ZBTB7C: variants seen among roughly 807,000 people sequenced by gnomAD.
ZBTB7C encodes zinc finger and BTB domain containing 7C.
Under a neutral mutation model 25.7 loss-of-function variants are expected in ZBTB7C, and 8 were observed. The ratio of observed to expected loss-of-function variants is 0.31; its 90% CI spans 0.18 to 0.56. The LOEUF (loss-of-function observed/expected upper bound fraction) is 0.56, where lower values mean the gene tolerates loss of function less well. Among genes scored for constraint, ZBTB7C ranks in the 20% least tolerant of loss-of-function variants. ZBTB7C has a pLI of 0.91. For missense variants in ZBTB7C, 824 were observed against 855.2 expected, an observed-to-expected ratio of 0.96 and a Z score of 0.46; for synonymous variants, 394 against 369.0, an observed-to-expected ratio of 1.07 and a Z score of -0.78.
At chr18:48,152,396 A>G (rs1374712243) in intron 3 of ZBTB7C, among the ~76,000 whole-genome samples, 3 of 152,340 alleles carry the variant, frequency 2.0e-5, no homozygotes, top group Middle Eastern at 3.4e-3. Context: ...TATGAATTAT[A>G]TATTGTTTTA....
chr18:48,190,528 A>C (rs2042168044), intron 2 of ZBTB7C, among the ~76,000 whole-genome samples: 1 of 152,160 alleles, frequency 6.6e-6, no homozygotes, highest in Non-Finnish European at 1.5e-5. Context: ...GCAGTGCTCA[A>C]ATCAAGCCCA....
intron 3 of ZBTB7C, among the ~76,000 whole-genome samples, chr18:48,084,411 G>A (rs985087037): frequency 2.0e-5 from 3 of 152,144 alleles, no homozygotes; most frequent in Admixed American, 6.5e-5. Flanking sequence ...ATTAGGAAGC[G>A]GCCATCTTTA....
intron 3 of ZBTB7C, among the ~76,000 whole-genome samples, chr18:48,117,130 A>G (rs2039467881): frequency 6.6e-6 from 1 of 152,116 alleles, no homozygotes; most frequent in East Asian, 1.9e-4. Context: ...CAAAGAAACC[A>G]CACATATTTT....
intron 3 of ZBTB7C, among the ~76,000 whole-genome samples, chr18:48,106,369 A>G (rs1427141719): frequency 6.6e-6 from 1 of 152,174 alleles, no homozygotes; most frequent in Admixed American, 6.5e-5. Flanking sequence ...GAAAAAGGCA[A>G]TATTTAACTG....
At chr18:48,199,968 G>A (rs1293078289) in intron 2 of ZBTB7C, among the ~76,000 whole-genome samples, 1 of 149,420 alleles carries the variant, frequency 6.7e-6, no homozygotes, top group African/African-American at 2.5e-5. Context: ...TCTCTACTTC[G>A]GGTGAGAATT....
At chr18:48,108,010 C>T (rs1380973393) in intron 3 of ZBTB7C, among the ~76,000 whole-genome samples, 2 of 152,160 alleles carry the variant, frequency 1.3e-5, no homozygotes, top group East Asian at 1.9e-4. Flanking sequence ...AAAATCTTTC[C>T]CCTAACTATC....
At chr18:48,241,355 CT>C (rs1234602318) in intron 2 of ZBTB7C, among the ~76,000 whole-genome samples, 2 of 152,130 alleles carry the variant, frequency 1.3e-5, no homozygotes, top group African/African-American at 2.4e-5. Flanking sequence ...AAATGGTGGA[CT>C]TAACAGATAT....
At chr18:48,043,741 G>A (rs931589763) in intron 3 of ZBTB7C, among the ~76,000 whole-genome samples, 4 of 152,226 alleles carry the variant, frequency 2.6e-5, no homozygotes, top group African/African-American at 4.8e-5. Flanking sequence ...AATGCGTAAA[G>A]GGTACATGAG....
chr18:48,340,972 T>C (rs2046586562), intron 1 of ZBTB7C, among the ~76,000 whole-genome samples: 1 of 152,168 alleles, frequency 6.6e-6, no homozygotes, highest in Non-Finnish European at 1.5e-5. Context: ...CCTCTGAGCC[T>C]GCGGTTCCTT....
At chr18:48,135,853 G>A (rs897077701) in intron 3 of ZBTB7C, among the ~76,000 whole-genome samples, 6 of 152,272 alleles carry the variant, frequency 3.9e-5, no homozygotes, top group Non-Finnish European at 7.3e-5. Context: ...AGAACTGGAA[G>A]TGGTCTGCCA....
intron 3 of ZBTB7C, among the ~76,000 whole-genome samples, chr18:48,126,856 G>T (rs561949029): frequency 2.1e-5 from 3 of 143,646 alleles, no homozygotes; most frequent in East Asian, 2.0e-4. Context: ...CTACCTTTCC[G>T]CCTGGGCCCA....
chr18:48,122,097 C>A (rs982715909), intron 3 of ZBTB7C, among the ~76,000 whole-genome samples: 4 of 152,138 alleles, frequency 2.6e-5, no homozygotes, highest in East Asian at 1.9e-4. Flanking sequence ...CCATCTAGAT[C>A]GGGCTGTTCA....
At position 48,075,908 on chromosome 18, in the gene ZBTB7C, C is replaced by T. The variant is rs563176120; in HGVS notation, c.-16-34785G>A. Among the ~76,000 whole-genome samples, 8 of 152,350 alleles carry T rather than the reference C, an allele frequency of 5.3e-5. No individual in the cohort carries two copies. In the East Asian group the frequency reaches 7.7e-4, roughly 15 times the overall value. On this transcript the variant is annotated intron_variant, in intron 3 of 4. Transcript: ENST00000590800. The stretch of plus-strand genomic sequence containing the variant: ...TCCTAGGAGTTCCCAGCTCTGCTCT[C>T]GGGCTGAACATATAATCCATCTTTG...
chr18:48,111,283 G>A (rs1320414217), intron 3 of ZBTB7C, among the ~76,000 whole-genome samples: 1 of 152,148 alleles, frequency 6.6e-6, no homozygotes, highest in African/African-American at 2.4e-5. Flanking sequence ...TAAAAAACAA[G>A]CCCAAATTCA....
chr18:48,125,637 T>A (rs1306044052), intron 3 of ZBTB7C, among the ~76,000 whole-genome samples: 1 of 152,168 alleles, frequency 6.6e-6, no homozygotes, highest in Non-Finnish European at 1.5e-5. Context: ...GTGGAGTTGG[T>A]CTTGGGGTCA....
intron 2 of ZBTB7C, among the ~76,000 whole-genome samples, chr18:48,228,732 G>GTC (rs551576188): frequency 3.3e-4 from 48 of 143,284 alleles, no homozygotes; most frequent in African/African-American, 6.2e-4. Flanking sequence ...CTCTCTCTCT[G>GTC]TCTCTCTCTC....
At position 48,163,386 on chromosome 18, in the gene ZBTB7C, T is replaced by C. The variant is rs1439040899; in HGVS notation, c.-17+22548A>G. Reference sequence around the variant, plus strand: ...CCCTTCTTGAAAGCAACATTTGCTCTGATCCGTAGCAATGTGGGGGAGAAG... The same window carrying C: ...CCCTTCTTGAAAGCAACATTTGCTCCGATCCGTAGCAATGTGGGGGAGAAG... On this transcript the variant is annotated intron_variant, in intron 3 of 4. Transcript: ENST00000590800. 2.0e-5 allele frequency among the ~76,000 whole-genome samples: 3 copies of C among 152,216 alleles called. 1 individual carries two copies. The South Asian group carries it at 6.2e-4, about 32-fold the overall frequency.
chr18:48,215,268 C>CT (rs1462713506), intron 2 of ZBTB7C, among the ~76,000 whole-genome samples: 3 of 152,106 alleles, frequency 2.0e-5, no homozygotes, highest in African/African-American at 7.2e-5. Flanking sequence ...TAGGCTTACT[C>CT]CCAGTGTTGA....
chr18:48,153,440 C>A (rs2040739442), intron 3 of ZBTB7C, among the ~76,000 whole-genome samples: 6 of 151,940 alleles, frequency 3.9e-5, no homozygotes. Flanking sequence ...ATTCAGGGCA[C>A]AAAGGTACAA....
Sources: gnomAD v4.1 joint callset for allele counts (sites outside exome capture counted in the v4.1 genomes callset) on GRCh38, gnomAD v4.1.1 for gene constraint, MANE v1.5 for transcripts, NCBI Gene and HGNC (gene_info 2026-07-23, HGNC 2026-07-21) for gene names.